Variants in C8orf34 observed in about 807,000 individuals in gnomAD.
C8orf34 encodes chromosome 8 open reading frame 34.
Under a neutral mutation model 68.3 loss-of-function variants are expected in C8orf34, and 65 were observed. The observed-to-expected ratio is 0.95, with a 90% CI of 0.78 to 1.17. C8orf34 has a LOEUF of 1.17. Among genes scored for constraint, C8orf34 ranks in the 50% most tolerant of loss-of-function variants. The pLI is 0.00. For missense variants in C8orf34, 664 were observed against 655.4 expected, an observed-to-expected ratio of 1.01 and a Z score of -0.14; for synonymous variants, 244 against 241.2, an observed-to-expected ratio of 1.01 and a Z score of -0.11.
At position 68,444,812 on chromosome 8, in the gene C8orf34, A is replaced by G. The variant is rs372895446; in HGVS notation, c.476-1517A>G. ...AGCAGAGAATAAAGAAAGTCACAACATTCATTTCATTCCTCTCTGGCTCCT... is the reference window on the plus strand; with the variant it reads ...AGCAGAGAATAAAGAAAGTCACAACGTTCATTTCATTCCTCTCTGGCTCCT... On this transcript the variant is annotated intron_variant, in intron 2 of 13. Coordinates refer to ENST00000518698, the MANE Select transcript of C8orf34 (RefSeq NM_052958.4). Among the ~76,000 whole-genome samples the G allele has an allele frequency of 2.4e-4, 37 of 152,308 alleles. No individual in the cohort carries two copies. In the East Asian group the frequency reaches 5.2e-3, roughly 21 times the overall value.
intron 7 of C8orf34, among the ~76,000 whole-genome samples, chr8:68,581,703 G>A (rs548524159): frequency 4.1e-4 from 62 of 152,194 alleles, no homozygotes; most frequent in Admixed American, 1.1e-3. Context: ...GCTGTCCTGC[G>A]GTCCCAAAGC....
chr8:68,735,985 C>T (rs1239357797), intron 10 of C8orf34, among the ~76,000 whole-genome samples: 1 of 152,148 alleles, frequency 6.6e-6, no homozygotes, highest in Non-Finnish European at 1.5e-5. Flanking sequence ...CCTCCTTATT[C>T]CACTGTTGAC....
chr8:68,523,216 T>A (rs1814833207), intron 6 of C8orf34, among the ~76,000 whole-genome samples: 1 of 152,238 alleles, frequency 6.6e-6, no homozygotes, highest in Non-Finnish European at 1.5e-5. Context: ...GTAATTTTTT[T>A]AATACCAGGC....
intron 12 of C8orf34, among the ~76,000 whole-genome samples, chr8:68,795,351 G>A (rs894406150): frequency 6.7e-6 from 1 of 149,646 alleles, no homozygotes; most frequent in African/African-American, 2.5e-5. Flanking sequence ...CCTATTTATG[G>A]GCCACAATTT....
intron 6 of C8orf34, among the ~76,000 whole-genome samples, chr8:68,522,477 A>C (rs1232345354): frequency 6.6e-6 from 1 of 152,214 alleles, no homozygotes; most frequent in Admixed American, 6.5e-5. Flanking sequence ...TATATTTATT[A>C]ACATATATAT....
chr8:68,380,363 A>C (rs1488283481), intron 1 of C8orf34, among the ~76,000 whole-genome samples: 2 of 152,234 alleles, frequency 1.3e-5, no homozygotes, highest in Admixed American at 1.3e-4. Flanking sequence ...AATTAATTGG[A>C]GGGAATAAAA....
In C8orf34 at chr8:68,525,150, C is replaced by T. The variant is rs376781969; in HGVS notation, c.938+3179C>T. Among the ~76,000 whole-genome samples the T allele has an allele frequency of 5.5e-4, 83 of 152,226 alleles. 2 individuals are homozygous for T. In the South Asian group the frequency reaches 0.017, roughly 31 times the overall value. On this transcript the variant is annotated intron_variant, in intron 6 of 13. Transcript: ENST00000518698. ...GCTTCTAACATACCTGTGAATAAAA[C>T]CTGGAAATGGTCCCCTTCCTCTTAG...
chr8:68,784,468 T>C (rs1396486706), intron 11 of C8orf34, among the ~76,000 whole-genome samples: 1 of 152,092 alleles, frequency 6.6e-6, no homozygotes, highest in African/African-American at 2.4e-5. Context: ...CCTTTCCCTA[T>C]CCCTCCTGAA....
chr8:68,354,783 A>T (rs182572967), intron 1 of C8orf34, among the ~76,000 whole-genome samples: 88 of 152,190 alleles, frequency 5.8e-4, no homozygotes, highest in African/African-American at 2.0e-3. Context: ...CTGTATCTCA[A>T]AGTAGATCGT....
At chr8:68,421,851 C>G (rs1809989477) in intron 1 of C8orf34, among the ~76,000 whole-genome samples, 1 of 152,100 alleles carries the variant, frequency 6.6e-6, no homozygotes, top group Non-Finnish European at 1.5e-5. Context: ...ATGGGGAGTC[C>G]TCAAGTAACT....
At chr8:68,775,051 G>A in intron 10 of C8orf34, among the ~76,000 whole-genome samples, 1 of 148,308 alleles carries the variant, frequency 6.7e-6, no homozygotes, top group South Asian at 2.2e-4. Flanking sequence ...CTGGGAGGCG[G>A]AAGTTGCAGT....
chr8:68,485,698 C>CAAG (rs1476449642), intron 4 of C8orf34, among the ~76,000 whole-genome samples: 1 of 139,566 alleles, frequency 7.2e-6, no homozygotes, highest in African/African-American at 2.7e-5. Context: ...GGAGACAAGG[C>CAAG]AAGACTCTGT....
In C8orf34 at chr8:68,796,822, CTTTTT is replaced by C. The variant is rs372049123; in HGVS notation, c.1549+9304_1549+9308del. Among the ~76,000 whole-genome samples, 352 of 122,828 alleles carry C rather than the reference CTTTTT, an allele frequency of 2.9e-3. 2 individuals are homozygous for C. Among genetic ancestry groups the C allele is most frequent in the Non-Finnish European group, 3.3e-3 (191 of 58,530 alleles). 80.6% of individuals were successfully genotyped at this position (122,828 alleles called of 152,430 possible). ...TTTTGAAAAATATATTTGAGTTCTTCTTTTTTTTTTTTTTTTTTTTTTGAGACAGT... is the reference window on the plus strand; with the variant it reads ...TTTTGAAAAATATATTTGAGTTCTTCTTTTTTTTTTTTTTTTTGAGACAGT... On this transcript the variant is annotated intron_variant, in intron 12 of 13. Transcript: ENST00000518698.
chr8:68,727,409 G>A (rs1821863048), intron 10 of C8orf34, among the ~76,000 whole-genome samples: 2 of 152,310 alleles, frequency 1.3e-5, no homozygotes, highest in South Asian at 4.1e-4. Context: ...TTGAGTGGCT[G>A]TGGCTTTTCC....
intron 7 of C8orf34, among the ~76,000 whole-genome samples, chr8:68,628,099 T>C (rs558295220): frequency 6.6e-6 from 1 of 152,320 alleles, no homozygotes; most frequent in South Asian, 2.1e-4. Flanking sequence ...TCTTATGTTA[T>C]TAAAATGGAA....
At chr8:68,468,617 T>G (rs1191910362) in intron 3 of C8orf34, 75 bp from the exon 4 acceptor site, 16 of 1,460,132 alleles carry the variant, frequency 1.1e-5, no homozygotes, top group Non-Finnish European at 1.5e-5. Flanking sequence ...GGTACAGTCT[T>G]TCACGTGATG....
At chr8:68,475,692 A>G (rs1812583382) in intron 4 of C8orf34, among the ~76,000 whole-genome samples, 1 of 152,162 alleles carries the variant, frequency 6.6e-6, no homozygotes, top group Admixed American at 6.5e-5. Context: ...CCTAAAAGCT[A>G]AAGACCAGCA....
At chr8:68,804,831 A>G (rs553457731) in intron 12 of C8orf34, among the ~76,000 whole-genome samples, 1 of 152,228 alleles carries the variant, frequency 6.6e-6, no homozygotes, top group African/African-American at 2.4e-5. Flanking sequence ...ATTAAAAGAC[A>G]AGCTAGATTA....
At chr8:68,647,320 A>G (rs987612694) in intron 8 of C8orf34, among the ~76,000 whole-genome samples, 1 of 152,244 alleles carries the variant, frequency 6.6e-6, no homozygotes, top group Non-Finnish European at 1.5e-5. Context: ...GTGAGGATGT[A>G]GAGAAAAGGG....
Sources: allele counts gnomAD v4.1 joint callset (sites outside exome capture counted in the v4.1 genomes callset), GRCh38; gene constraint gnomAD v4.1.1; transcripts MANE v1.5; gene names NCBI Gene and HGNC (gene_info 2026-07-23, HGNC 2026-07-21).